The following AP4M1 variants were observed in gnomAD, a reference collection of about 807,000 sequenced individuals.
The protein encoded by AP4M1 is AP-4 complex subunit mu-1.
AP4M1 carries 58 observed loss-of-function variants against 62.4 expected under a neutral mutation model. The observed-to-expected ratio is 0.93, with a 90% CI of 0.75 to 1.16. The LOEUF is 1.16. AP4M1 is among the 50% of genes most tolerant of loss of function. AP4M1 has a pLI of 0.00. For missense variants in AP4M1, 626 were observed against 585.4 expected, an observed-to-expected ratio of 1.07 and a Z score of -0.72; for synonymous variants, 290 against 239.7, an observed-to-expected ratio of 1.21 and a Z score of -1.94.
At chr7:100,105,212 A>G (rs1297879373) in intron 9 of AP4M1, 28 bp from the exon 10 acceptor site, 1 of 1,612,470 alleles carries the variant, frequency 6.2e-7, no homozygotes, top group Non-Finnish European at 8.5e-7. Flanking sequence ...AGGAGTCAGG[A>G]GAGAAGTCTC....
Position 100,106,487 on chromosome 7 carries a change from A to C in AP4M1, c.1110A>C (p.Gly370=), listed in dbSNP as rs1796496862. ...ALRWDLPRVQ[G]GSQLSGLFQM... is the part of the protein sequence containing the mutation. ...GCTGGGACCTGCCTCGGGTGCAAGG[A>C]GGCTCTCAACTCTCAGGCCTTTTCC... Residue 370 remains glycine, a synonymous_variant, in exon 14 of 15, where the codon GGA becomes GGC. Coordinates refer to ENST00000359593, the MANE Select transcript of AP4M1 (RefSeq NM_004722.4). The C allele has an allele frequency of 6.2e-7, 1 of 1,613,714 alleles. No individual in the cohort carries two copies.
At chr7:100,102,841 A>G (rs779134840) in intron 3 of AP4M1, 23 bp from the exon 4 acceptor site, 66 of 1,613,874 alleles carry the variant, frequency 4.1e-5, no homozygotes, top group Non-Finnish European at 5.6e-5. Context: ...AGGAGAAAAT[A>G]CACGCTCCAA....
Position 100,108,031 on chromosome 7 carries a change from G to C in AP4M1, c.*1149G>C. ...CCGCTCGTGCAGACACCAGTGTCTG[G>C]ACAGGAAGTGCGATGGAGCCAGGAA... On this transcript the variant is annotated 3_prime_UTR_variant, in exon 15 of 15. Coordinates refer to ENST00000359593, the MANE Select transcript of AP4M1 (RefSeq NM_004722.4). The C allele has an allele frequency of 6.2e-7, 1 of 1,613,840 alleles. No homozygotes were observed. Among genetic ancestry groups the C allele is most frequent in the Non-Finnish European group, 8.5e-7 (1 of 1,179,950 alleles).
In AP4M1 at chr7:100,107,471, G is replaced by A; in HGVS notation, c.*589G>A. 2.5e-6 allele frequency: 4 copies of A among 1,613,928 alleles called. No individual in the cohort carries two copies. Among genetic ancestry groups the A allele is most frequent in the Non-Finnish European group, 3.4e-6 (4 of 1,179,870 alleles). Reference sequence around the variant, plus strand: ...GAAGTGAGACCACGATGTACTTCTGGACACTCCCAGGACCAGAGGGAGCAG... The same window carrying A: ...GAAGTGAGACCACGATGTACTTCTGAACACTCCCAGGACCAGAGGGAGCAG... On this transcript the variant is annotated 3_prime_UTR_variant, in exon 15 of 15. Transcript: ENST00000359593.
At chr7:100,106,562 G>GCGC in intron 14 of AP4M1, 48 bp downstream of exon 14, 11 of 1,514,494 alleles carry the variant, frequency 7.3e-6, no homozygotes, top group East Asian at 7.0e-5. Flanking sequence ...TTCACTTGCA[G>GCGC]CCCCCACCCC....
At chr7:100,106,577 T>A in intron 14 of AP4M1, 63 bp downstream of exon 14, 4 of 549,490 alleles carry the variant, frequency 7.3e-6, no homozygotes, top group Non-Finnish European at 1.1e-5. Flanking sequence ...CACCCCACCC[T>A]CCCGAAGCAG....
intron 2 of AP4M1, 23 bp downstream of exon 2, chr7:100,101,991 T>C (rs989810693): frequency 6.2e-7 from 1 of 1,610,872 alleles, no homozygotes; most frequent in Admixed American, 1.7e-5. Flanking sequence ...GGGAGGCGGG[T>C]GAGGAGCGGG....
rs752745814 is a variant in AP4M1, at chr7:100,105,262, C to T, written c.750C>T (p.Val250=). The change falls in exon 10 of 15, where the codon GTC becomes GTT. Residue 250 remains valine (V), a synonymous_variant. Transcript: ENST00000359593. ...CAGGTTATGGGCCAGGAATCCGGGT[C>T]GATGAAGTCTCGTTTCACAGCTCTG... is the stretch of plus-strand genomic sequence containing the variant. The part of the protein sequence containing the change: ...ELRGYGPGIR[V]DEVSFHSSVN... 55 of 1,613,962 alleles carry T rather than the reference C, an allele frequency of 3.4e-5. 1 individual carries two copies. Among genetic ancestry groups the T allele is most frequent in the East Asian group, 1.1e-4 (5 of 44,884 alleles).
rs755533568 is a variant in AP4M1 at position 100,104,872 on chromosome 7, A to G, written c.607-2A>G. 3.7e-6 allele frequency: 6 copies of G among 1,614,008 alleles called. No homozygotes were observed. The Admixed American group carries it at 6.7e-5, about 18-fold the overall frequency. On this transcript the variant is annotated splice_acceptor_variant, in intron 7 of 14. Coordinates refer to ENST00000359593, the MANE Select transcript of AP4M1 (RefSeq NM_004722.4). LOFTEE classifies it high-confidence loss of function. ...TCTAACCTTGACGCCCCTGCCTCTC[A>G]GGGATCCCTGCTGAAGGTGGATGTG...
Position 100,107,326 on chromosome 7 carries a change from C to A in AP4M1, c.*444C>A. Reference sequence around the variant, plus strand: ...GTCCCTGGAGCTGGAGGGGGACTGTCCCCAGCCTCCTGCTTCCCCCCACAA... The same window carrying A: ...GTCCCTGGAGCTGGAGGGGGACTGTACCCAGCCTCCTGCTTCCCCCCACAA... On this transcript the variant is annotated 3_prime_UTR_variant, in exon 15 of 15. Transcript: ENST00000359593. The A allele has an allele frequency of 6.5e-7, 1 of 1,542,596 alleles. No individual in the cohort carries two copies. Among genetic ancestry groups the A allele is most frequent in the Non-Finnish European group, 8.7e-7 (1 of 1,143,950 alleles).
upstream of AP4M1, chr7:100,101,508 G>C: frequency 1.3e-6 from 1 of 794,596 alleles, no homozygotes; most frequent in African/African-American, 1.7e-5. Context: ...TGCGGGCCTA[G>C]AATGAGTGAC....
At chr7:100,103,142 G>A (rs1157509919) in intron 4 of AP4M1, 182 bp downstream of exon 4, 2 of 654,794 alleles carry the variant, frequency 3.1e-6, no homozygotes, top group Admixed American at 5.1e-5. Context: ...TGCAGTTATA[G>A]CTCACTGCAG....
At position 100,108,589 on chromosome 7, in the gene AP4M1, C is replaced by G. The variant is rs1479897129; in HGVS notation, c.*1707C>G. The G allele has an allele frequency of 6.4e-7, 1 of 1,550,788 alleles. No individual in the cohort carries two copies. Among genetic ancestry groups the G allele is most frequent in the East Asian group, 2.3e-5 (1 of 43,986 alleles). ...GTAGAGGGAGGGCTGGGGAAAAAAG[C>G]CAGGTAGAGGGAGGGCTGGTGACAC... On this transcript the variant is annotated 3_prime_UTR_variant, in exon 15 of 15. Coordinates refer to ENST00000359593, the MANE Select transcript of AP4M1 (RefSeq NM_004722.4).
At chr7:100,101,414 C>T (rs1796022954), upstream of AP4M1, 2 of 1,369,638 alleles carry the variant, frequency 1.5e-6, no homozygotes, top group South Asian at 2.4e-5. Flanking sequence ...AAACGTCGCC[C>T]CCCACGTGAC....
chr7:100,106,367 G>A (rs1796482871), intron 13 of AP4M1, 36 bp from the exon 14 acceptor site: 1 of 1,612,884 alleles, frequency 6.2e-7, no homozygotes, highest in Admixed American at 1.7e-5. Flanking sequence ...CCTCAAGAAG[G>A]TGCCAAGCCC....
intron 2 of AP4M1, chr7:100,102,252 G>T (rs1796106356): frequency 3.5e-6 from 2 of 577,870 alleles, no homozygotes; most frequent in African/African-American, 1.9e-5. Flanking sequence ...ATAGCTGGGC[G>T]TGGTGGCGGG....
At position 100,107,791 on chromosome 7, in the gene AP4M1, A is replaced by C; in HGVS notation, c.*909A>C. 1.4e-6 allele frequency: 2 copies of C among 1,388,248 alleles called. No individual in the cohort carries two copies. Among genetic ancestry groups the C allele is most frequent in the East Asian group, 2.4e-5 (1 of 40,976 alleles). 86.0% of individuals were successfully genotyped at this position (1,388,248 alleles called of 1,614,324 possible). A position where few individuals can be genotyped will look rare whatever the true frequency, so the allele number is the denominator to read the frequency against. On this transcript the variant is annotated 3_prime_UTR_variant, in exon 15 of 15. Transcript: ENST00000359593. ...TCATGCAGGGCAGCTACAGCCCTGC[A>C]GGACCCTGGTGGGCGCCTCTTCCAG...
At chr7:100,101,854 C>T in intron 1 of AP4M1, 26 bp from the exon 2 acceptor site, 1 of 1,612,720 alleles carries the variant, frequency 6.2e-7, no homozygotes, top group Non-Finnish European at 8.5e-7. Flanking sequence ...TCGCAGGATC[C>T]TTCACTGAGT....
upstream of AP4M1, chr7:100,101,411 G>T (rs1307811905): frequency 4.9e-6 from 7 of 1,414,910 alleles, no homozygotes; most frequent in Middle Eastern, 1.8e-4. Context: ...GCGAAACGTC[G>T]CCCCCCACGT....
Sources: allele counts gnomAD v4.1 joint callset, GRCh38; gene constraint gnomAD v4.1.1; transcripts MANE v1.5; gene names NCBI Gene and HGNC (gene_info 2026-07-23, HGNC 2026-07-21).